SGCZ: variants seen among roughly 807,000 people sequenced by gnomAD.
The protein encoded by SGCZ is zeta-sarcoglycan.
Under a neutral mutation model 41.3 loss-of-function variants are expected in SGCZ, and 40 were observed. The observed-to-expected ratio is 0.97, with a 90% confidence interval of 0.75 to 1.26. The LOEUF (loss-of-function observed/expected upper bound fraction) is 1.26. Ranked by LOEUF, SGCZ falls within the 50% of genes most tolerant of loss-of-function variation. The probability of loss-of-function intolerance (pLI) is 0.00; values close to 1 mark genes in which losing one functional copy is unlikely to be tolerated. For missense variants in SGCZ, 552 were observed against 369.8 expected, an observed-to-expected ratio of 1.49 and a Z score of -4.04; for synonymous variants, 206 against 137.5, an observed-to-expected ratio of 1.50 and a Z score of -3.49.
At chr8:14,340,411 T>A (rs189120148) in intron 2 of SGCZ, among the ~76,000 whole-genome samples, 1 of 152,334 alleles carries the variant, frequency 6.6e-6, no homozygotes, top group African/African-American at 2.4e-5. Context: ...TCTTTGCTTC[T>A]ATAACAGCCT....
chr8:15,160,588 G>A (rs189443845), intron 1 of SGCZ, among the ~76,000 whole-genome samples: 348 of 151,900 alleles, frequency 2.3e-3, no homozygotes, highest in African/African-American at 7.2e-3. Flanking sequence ...ATTTTTTTTC[G>A]GTTACCTATA....
chr8:14,465,414 T>G (rs1446781402), intron 2 of SGCZ, among the ~76,000 whole-genome samples: 1 of 151,750 alleles, frequency 6.6e-6, no homozygotes, highest in African/African-American at 2.4e-5. Flanking sequence ...ATTTTCCACC[T>G]TTCACTTTCA....
intron 4 of SGCZ, among the ~76,000 whole-genome samples, chr8:14,185,777 G>C (rs923651021): frequency 6.6e-6 from 1 of 152,114 alleles, no homozygotes; most frequent in African/African-American, 2.4e-5. Flanking sequence ...CTCTTAAACT[G>C]TGTTGTATGT....
chr8:14,576,073 C>T (rs971340517), intron 1 of SGCZ, among the ~76,000 whole-genome samples: 3 of 152,126 alleles, frequency 2.0e-5, no homozygotes, highest in African/African-American at 7.2e-5. Flanking sequence ...GTAAGTCATG[C>T]TCACAAGCAT....
intron 3 of SGCZ, among the ~76,000 whole-genome samples, chr8:14,315,711 G>C (rs761040706): frequency 2.0e-5 from 3 of 151,530 alleles, no homozygotes; most frequent in Non-Finnish European, 4.4e-5. Context: ...ATTGAAAACA[G>C]AATACTCAAG....
chr8:14,436,387 G>C (rs1379521689), intron 2 of SGCZ, among the ~76,000 whole-genome samples: 1 of 152,152 alleles, frequency 6.6e-6, no homozygotes, highest in Non-Finnish European at 1.5e-5. Flanking sequence ...TTTTTTCTGA[G>C]TTAGCAATCT....
chr8:15,153,386 A>G (rs1799236228), intron 1 of SGCZ, among the ~76,000 whole-genome samples: 1 of 152,214 alleles, frequency 6.6e-6, no homozygotes, highest in Admixed American at 6.5e-5. Context: ...TTATTATACA[A>G]CTAACTCCGT....
intron 1 of SGCZ, among the ~76,000 whole-genome samples, chr8:14,569,866 G>C (rs536451739): frequency 1.8e-4 from 28 of 152,026 alleles, no homozygotes; most frequent in African/African-American, 5.3e-4. Flanking sequence ...TGGGGAGGCA[G>C]ATGCAGCCGG....
At chr8:14,341,123 C>T (rs1802690222) in intron 2 of SGCZ, among the ~76,000 whole-genome samples, 1 of 152,144 alleles carries the variant, frequency 6.6e-6, no homozygotes, top group South Asian at 2.1e-4. Flanking sequence ...CTTTTTGCTG[C>T]TAAATAATAT....
chr8:15,140,871 C>G (rs1808295408), intron 1 of SGCZ, among the ~76,000 whole-genome samples: 1 of 152,130 alleles, frequency 6.6e-6, no homozygotes, highest in African/African-American at 2.4e-5. Context: ...AAAACAGAAA[C>G]AAATACATCT....
At chr8:15,033,405 T>C (rs2130962617) in intron 1 of SGCZ, among the ~76,000 whole-genome samples, 1 of 151,202 alleles carries the variant, frequency 6.6e-6, no homozygotes, top group Admixed American at 6.6e-5. Context: ...AGCCCCAGAC[T>C]AGTCCCAGGC....
intron 1 of SGCZ, among the ~76,000 whole-genome samples, chr8:15,225,277 T>C (rs17121152): frequency 0.02 from 3,053 of 152,020 alleles, 116 homozygotes; most frequent in African/African-American, 0.068. Context: ...AAGCGTACAA[T>C]GCAGCTAAAT....
At chr8:14,985,223 A>C (rs544164381) in intron 1 of SGCZ, among the ~76,000 whole-genome samples, 9 of 152,202 alleles carry the variant, frequency 5.9e-5, no homozygotes, top group Non-Finnish European at 1.3e-4. Flanking sequence ...AAACTGTATC[A>C]AGGTGCCTTT....
intron 3 of SGCZ, among the ~76,000 whole-genome samples, chr8:14,243,759 G>C (rs181750512): frequency 1.2e-3 from 179 of 152,212 alleles, no homozygotes; most frequent in Non-Finnish European, 1.5e-3. Context: ...CCAAGTCTAA[G>C]TCCTGTCCTC....
At chr8:14,718,517 A>C (rs947805392) in intron 1 of SGCZ, among the ~76,000 whole-genome samples, 3 of 152,136 alleles carry the variant, frequency 2.0e-5, no homozygotes, top group African/African-American at 7.2e-5. Flanking sequence ...GAGTCTTATA[A>C]ATTAAATATT....
chr8:14,860,012 G>A (rs1803665446), intron 1 of SGCZ, among the ~76,000 whole-genome samples: 1 of 152,060 alleles, frequency 6.6e-6, no homozygotes, highest in South Asian at 2.1e-4. Context: ...TAAAAGATAA[G>A]GAAAGAATTG....
chr8:14,326,447 T>C (rs1397238148), intron 2 of SGCZ, among the ~76,000 whole-genome samples: 1 of 152,098 alleles, frequency 6.6e-6, no homozygotes, highest in Admixed American at 6.6e-5. Flanking sequence ...GAAGGACTCT[T>C]TAAATTTTTT....
rs138784382 is a variant in SGCZ, at chr8:14,736,694, T to C, written c.40-181768A>G. On this transcript the variant is annotated intron_variant, in intron 1 of 7. Coordinates refer to ENST00000382080, the MANE Select transcript of SGCZ (RefSeq NM_139167.4). ...TCTTATGCCTTTGTGTCCTCATAGC[T>C]TAGCTCCCACATATCAGTGAGAATA... Among the ~76,000 whole-genome samples the C allele has an allele frequency of 7.6e-3, 1,157 of 152,232 alleles. 14 individuals are homozygous for C. Among genetic ancestry groups the C allele is most frequent in the Middle Eastern group, 0.027 (8 of 294 alleles).
intron 1 of SGCZ, among the ~76,000 whole-genome samples, chr8:14,750,706 T>C (rs547522900): frequency 2.0e-5 from 3 of 152,322 alleles, no homozygotes; most frequent in East Asian, 3.9e-4. Flanking sequence ...ACTAGAATAT[T>C]TGAAGCACTG....
Sources: allele counts gnomAD v4.1 joint callset (sites outside exome capture counted in the v4.1 genomes callset), GRCh38; gene constraint gnomAD v4.1.1; transcripts MANE v1.5; gene names NCBI Gene and HGNC (gene_info 2026-07-23, HGNC 2026-07-21).